Variants in ROBO2 observed in about 807,000 individuals in gnomAD.
ROBO2 encodes the protein roundabout homolog 2.
Under a neutral mutation model 160.8 loss-of-function variants are expected in ROBO2, and 53 were observed. The observed-to-expected ratio is 0.33, with a 90% confidence interval of 0.26 to 0.41. The LOEUF is 0.41. ROBO2 is among the 10% of genes least tolerant of loss of function. ROBO2 has a pLI of 1.00. For missense variants in ROBO2, 1,577 were observed against 1,722.4 expected (o/e 0.92, Z 1.49); for synonymous variants, 664 against 611.7 (o/e 1.09, Z -1.26).
At chr3:76,352,205 A>G (rs2074918446) in intron 2 of ROBO2, among the ~76,000 whole-genome samples, 1 of 151,930 alleles carries the variant, frequency 6.6e-6, no homozygotes, top group Admixed American at 6.6e-5. Context: ...CATGATCTCT[A>G]TTTATAGCCT....
intron 1 of ROBO2, among the ~76,000 whole-genome samples, chr3:75,925,360 A>C (rs187494273): frequency 2.0e-5 from 3 of 152,226 alleles, no homozygotes; most frequent in East Asian, 3.9e-4. Flanking sequence ...ACTGCGCTCC[A>C]GTGTGGGTAA....
chr3:76,093,278 A>G (rs1270332150), intron 2 of ROBO2, among the ~76,000 whole-genome samples: 1 of 152,030 alleles, frequency 6.6e-6, no homozygotes, highest in East Asian at 1.9e-4. Context: ...CCTCCCCTGT[A>G]TAATGGGTGT....
intron 2 of ROBO2, among the ~76,000 whole-genome samples, chr3:76,707,287 A>G (rs992725122): frequency 1.3e-5 from 2 of 152,046 alleles, no homozygotes; most frequent in African/African-American, 4.8e-5. Flanking sequence ...TTGCTAACAG[A>G]CTAAAAAGTT....
intron 1 of ROBO2, among the ~76,000 whole-genome samples, chr3:77,060,457 T>A (rs115788244): frequency 0.044 from 6,668 of 152,290 alleles, 203 homozygotes; most frequent in Middle Eastern, 0.071. Flanking sequence ...ATTCACTTGT[T>A]CTTAACACTT....
intron 2 of ROBO2, among the ~76,000 whole-genome samples, chr3:77,475,861 A>C (rs1032809623): frequency 2.0e-5 from 3 of 152,178 alleles, no homozygotes; most frequent in African/African-American, 4.8e-5. Flanking sequence ...ATGCATATAA[A>C]TCACACCTTT....
chr3:77,295,583 GT>G lies in ROBO2; in HGVS notation c.389-181830del, dbSNP rs1165255788. Among the ~76,000 whole-genome samples the G allele has an allele frequency of 2.5e-3, 204 of 81,914 alleles. 2 individuals carry two copies. Among genetic ancestry groups the G allele is most frequent in the South Asian group, 4.1e-3 (10 of 2,426 alleles). 53.7% of individuals were successfully genotyped at this position (81,914 alleles called of 152,430 possible). A position where few individuals can be genotyped will look rare whatever the true frequency, so the allele number is the denominator to read the frequency against. On this transcript the variant is annotated intron_variant, in intron 2 of 25. Coordinates refer to ENST00000461745, the Ensembl canonical transcript of ROBO2. ...TAAAGTAAAATTGACTGTTAAACGG[GT>G]AAGCTGAGGCTAGATCACCCCACAC... is the stretch of plus-strand genomic sequence containing the variant.
chr3:76,218,093 C>T (rs1340303929), intron 2 of ROBO2, among the ~76,000 whole-genome samples: 1 of 152,106 alleles, frequency 6.6e-6, no homozygotes, highest in Non-Finnish European at 1.5e-5. Flanking sequence ...GCAAAAAAGA[C>T]CTTTGACGAA....
chr3:77,572,371 G>T (rs1278046615), intron 13 of ROBO2, among the ~76,000 whole-genome samples: 2 of 151,836 alleles, frequency 1.3e-5, no homozygotes, highest in Non-Finnish European at 2.9e-5. Flanking sequence ...TCGCCTCTTG[G>T]TTGCCTTATT....
intron 2 of ROBO2, among the ~76,000 whole-genome samples, chr3:77,373,452 T>C (rs118131560): frequency 1.3e-5 from 2 of 152,204 alleles, no homozygotes; most frequent in East Asian, 3.9e-4. Context: ...CTAATTTGCT[T>C]AGTTTTACTT....
chr3:77,523,766 A>G (rs1018997074), intron 6 of ROBO2, among the ~76,000 whole-genome samples: 7 of 151,354 alleles, frequency 4.6e-5, no homozygotes, highest in African/African-American at 1.7e-4. Flanking sequence ...ATAGGCAAGC[A>G]CATCCTTTCT....
At chr3:76,551,968 A>G (rs2083449146) in intron 2 of ROBO2, among the ~76,000 whole-genome samples, 1 of 152,098 alleles carries the variant, frequency 6.6e-6, no homozygotes, top group Admixed American at 6.6e-5. Context: ...TGCAGCCTGC[A>G]GGGCTGAGTG....
At chr3:76,949,755 C>T (rs1429783083) in intron 2 of ROBO2, among the ~76,000 whole-genome samples, 1 of 152,156 alleles carries the variant, frequency 6.6e-6, no homozygotes, top group Non-Finnish European at 1.5e-5. Flanking sequence ...AGGACACAGG[C>T]CAGGCACAGT....
intron 2 of ROBO2, among the ~76,000 whole-genome samples, chr3:77,233,418 A>T (rs994727296): frequency 3.9e-5 from 6 of 152,306 alleles, no homozygotes; most frequent in African/African-American, 9.6e-5. Flanking sequence ...TTACAAGAAT[A>T]CACTATTAGG....
chr3:76,254,240 T>C (rs2107566156), intron 2 of ROBO2, among the ~76,000 whole-genome samples: 1 of 152,248 alleles, frequency 6.6e-6, no homozygotes, highest in Non-Finnish European at 1.5e-5. Context: ...GAAGTCAGCA[T>C]ATATTTTCTA....
chr3:77,621,722 C>A (rs925336480), intron 22 of ROBO2, among the ~76,000 whole-genome samples: 1 of 151,972 alleles, frequency 6.6e-6, no homozygotes, highest in South Asian at 2.1e-4. Context: ...TGAGAGAGAT[C>A]GTGTGGGGAG....
At chr3:76,602,851 A>G (rs1035426824) in intron 2 of ROBO2, among the ~76,000 whole-genome samples, 1 of 152,142 alleles carries the variant, frequency 6.6e-6, no homozygotes, top group African/African-American at 2.4e-5. Context: ...ACACAGCCAA[A>G]CCGTATCAGT....
At chr3:76,954,455 T>C (rs1242089411) in intron 2 of ROBO2, among the ~76,000 whole-genome samples, 1 of 152,236 alleles carries the variant, frequency 6.6e-6, no homozygotes, top group African/African-American at 2.4e-5. Context: ...TCTAGTGGCC[T>C]CACCTGAATG....
intron 2 of ROBO2, among the ~76,000 whole-genome samples, chr3:76,744,549 A>G (rs963639978): frequency 2.0e-5 from 3 of 151,948 alleles, no homozygotes; most frequent in Non-Finnish European, 4.4e-5. Context: ...TTTAGTAGCA[A>G]TGAGGTCTCG....
chr3:76,712,198 G>T (rs542583448), intron 2 of ROBO2, among the ~76,000 whole-genome samples: 70 of 152,206 alleles, frequency 4.6e-4, no homozygotes, highest in Non-Finnish European at 8.8e-4. Context: ...AGATTTATTT[G>T]CACCCTTGCA....
Sources: allele counts gnomAD v4.1 joint callset (sites outside exome capture counted in the v4.1 genomes callset), GRCh38; gene constraint gnomAD v4.1.1; transcripts MANE v1.5; gene names NCBI Gene and HGNC (gene_info 2026-07-23, HGNC 2026-07-21).